NRG3: variants seen among roughly 807,000 people sequenced by gnomAD.
NRG3 encodes neuregulin 3.
Under a neutral mutation model 66.9 loss-of-function variants are expected in NRG3, and 31 were observed. That is an observed-to-expected ratio of 0.46 (90% CI 0.35 to 0.63). The LOEUF (loss-of-function observed/expected upper bound fraction) is 0.63, where lower values mean the gene tolerates loss of function less well. Ranked by LOEUF, NRG3 falls within the 20% of genes least tolerant of loss-of-function variation. NRG3 has a pLI of 0.00. For missense variants in NRG3, 910 were observed against 878.9 expected (o/e 1.04, Z -0.45); for synonymous variants, 393 against 359.4 (o/e 1.09, Z -1.06).
At chr10:82,424,160 G>A (rs991252600) in intron 2 of NRG3, among the ~76,000 whole-genome samples, 5 of 152,042 alleles carry the variant, frequency 3.3e-5, no homozygotes, top group South Asian at 4.1e-4. Context: ...TGTACCCTAG[G>A]GATGGAATTG....
chr10:82,557,802 A>G lies in NRG3; in HGVS notation c.954-180775A>G, dbSNP rs939570095. Among the ~76,000 whole-genome samples, 5 of 152,272 alleles carry G rather than the reference A, an allele frequency of 3.3e-5. No homozygotes were observed. In the South Asian group the frequency reaches 8.3e-4, roughly 25 times the overall value. On this transcript the variant is annotated intron_variant, in intron 2 of 8. Transcript: ENST00000372141. ...TTTATTTAATCCTCACAAATACCACATTTTACAGATGAGGACACGTAGACT... is the reference window on the plus strand; with the variant it reads ...TTTATTTAATCCTCACAAATACCACGTTTTACAGATGAGGACACGTAGACT...
In NRG3 at chr10:82,436,917, A is replaced by C. The variant is rs144063942; in HGVS notation, c.953+78049A>C. Among the ~76,000 whole-genome samples, 798 of 152,222 alleles carry C rather than the reference A, an allele frequency of 5.2e-3. 7 individuals carry two copies. The highest frequency in any genetic ancestry group is 0.019 in the African/African-American group (776 of 41,532). On this transcript the variant is annotated intron_variant, in intron 2 of 8. Transcript: ENST00000372141. ...TGCTGAGAGGTTCACTGTTAGTCTGATGGGCTTCCCTTTGTAGATGATCTG... is the reference window on the plus strand; with the variant it reads ...TGCTGAGAGGTTCACTGTTAGTCTGCTGGGCTTCCCTTTGTAGATGATCTG...
rs940039866 is a variant in NRG3, at chr10:82,785,086, C to T, written c.1027+46436C>T. Among the ~76,000 whole-genome samples, 14 of 151,768 alleles carry T rather than the reference C, an allele frequency of 9.2e-5. 1 individual carries two copies. Among genetic ancestry groups the T allele is most frequent in the African/African-American group, 3.4e-4 (14 of 41,288 alleles). On this transcript the variant is annotated intron_variant, in intron 3 of 8. Coordinates refer to ENST00000372141, the MANE Select transcript of NRG3 (RefSeq NM_001010848.4). ...GGATGAAATTGGAAATCATCATTCT[C>T]GGTAAACTATCGCAAGGACAAAAAA... is the stretch of plus-strand genomic sequence containing the variant.
chr10:82,348,419 G>A lies in NRG3; in HGVS notation c.824-10320G>A, dbSNP rs1342655149. On this transcript the variant is annotated intron_variant, in intron 1 of 8. Coordinates refer to ENST00000372141, the MANE Select transcript of NRG3 (RefSeq NM_001010848.4). ...CCCCCACTCTCTTCTGGCTTGTAGG[G>A]TTTCTGCTGAGAGATCCGCTGTTAG... 6.1e-5 allele frequency among the ~76,000 whole-genome samples: 9 copies of A among 147,070 alleles called. No homozygotes were observed. In the South Asian group the frequency reaches 1.3e-3, roughly 21 times the overall value.
At chr10:82,083,414 A>G (rs979276363) in intron 1 of NRG3, among the ~76,000 whole-genome samples, 3 of 152,144 alleles carry the variant, frequency 2.0e-5, no homozygotes, top group African/African-American at 4.8e-5. Context: ...ATGAGCTTAC[A>G]GCATTCCTTG....
intron 2 of NRG3, among the ~76,000 whole-genome samples, chr10:82,366,602 A>G (rs573105039): frequency 3.9e-5 from 6 of 152,210 alleles, no homozygotes; most frequent in South Asian, 2.1e-4. Flanking sequence ...ACGGGCCATA[A>G]TTGTGTCAAT....
intron 2 of NRG3, among the ~76,000 whole-genome samples, chr10:82,588,870 C>T (rs1447055194): frequency 6.6e-6 from 1 of 152,168 alleles, no homozygotes; most frequent in African/African-American, 2.4e-5. Context: ...TGGCCTAATA[C>T]ATCAAATTTC....
chr10:82,155,397 A>G (rs1188555004), intron 1 of NRG3, among the ~76,000 whole-genome samples: 1 of 151,742 alleles, frequency 6.6e-6, no homozygotes, highest in Admixed American at 6.6e-5. Context: ...GCTGTTAGAG[A>G]AGGTGGTTAT....
intron 4 of NRG3, among the ~76,000 whole-genome samples, chr10:82,948,762 A>T (rs1167020284): frequency 6.6e-6 from 1 of 152,114 alleles, no homozygotes; most frequent in African/African-American, 2.4e-5. Flanking sequence ...ATAACCTTGT[A>T]TCCTGAAATT....
At chr10:82,074,480 A>AT (rs1457830091) in intron 1 of NRG3, among the ~76,000 whole-genome samples, 14 of 152,182 alleles carry the variant, frequency 9.2e-5, no homozygotes, top group Non-Finnish European at 1.9e-4. Context: ...TTTTGAAAAA[A>AT]TAGACTATAA....
chr10:82,682,617 C>G (rs2494026), intron 2 of NRG3, among the ~76,000 whole-genome samples: 108 of 152,044 alleles, frequency 7.1e-4, no homozygotes, highest in Non-Finnish European at 1.4e-3. Flanking sequence ...ATAGTTGATT[C>G]ATTATTTTTA....
chr10:82,725,883 T>C (rs914909785), intron 2 of NRG3, among the ~76,000 whole-genome samples: 1 of 152,180 alleles, frequency 6.6e-6, no homozygotes, highest in Admixed American at 6.5e-5. Context: ...TCCTGTGAAC[T>C]GAATTGTACT....
At chr10:82,748,435 A>G (rs2058730031) in intron 3 of NRG3, among the ~76,000 whole-genome samples, 3 of 151,502 alleles carry the variant, frequency 2.0e-5, no homozygotes, top group Non-Finnish European at 4.4e-5. Context: ...GCAAAACTAT[A>G]CACTCACCCA....
At chr10:82,631,588 G>GT (rs59620029) in intron 2 of NRG3, among the ~76,000 whole-genome samples, 16,651 of 132,252 alleles carry the variant, frequency 0.13, 1,035 homozygotes, top group East Asian at 0.24. Context: ...TTCAGCCGTG[G>GT]TTTTTTTTTT....
At chr10:82,211,862 A>G (rs1242777251) in intron 1 of NRG3, among the ~76,000 whole-genome samples, 5 of 152,110 alleles carry the variant, frequency 3.3e-5, no homozygotes, top group Admixed American at 6.6e-5. Context: ...AGGGACCATA[A>G]CACACCCCTA....
At chr10:82,288,986 G>C (rs951203) in intron 1 of NRG3, among the ~76,000 whole-genome samples, 42,747 of 151,982 alleles carry the variant, frequency 0.28, 6,184 homozygotes, top group African/African-American at 0.32. Flanking sequence ...ACAATGATTT[G>C]TAAGCACCTG....
intron 1 of NRG3, among the ~76,000 whole-genome samples, chr10:82,020,221 A>G (rs2132737207): frequency 6.6e-6 from 1 of 152,304 alleles, no homozygotes; most frequent in East Asian, 1.9e-4. Flanking sequence ...AACAGAGCCA[A>G]AGATGTGGCT....
chr10:82,906,669 C>T (rs1844763307), intron 4 of NRG3, among the ~76,000 whole-genome samples: 1 of 152,122 alleles, frequency 6.6e-6, no homozygotes, highest in African/African-American at 2.4e-5. Context: ...ACTTAGGTAA[C>T]ATGACTAACA....
intron 1 of NRG3, among the ~76,000 whole-genome samples, chr10:82,133,327 A>G (rs1363641253): frequency 6.6e-6 from 1 of 152,144 alleles, no homozygotes; most frequent in African/African-American, 2.4e-5. Flanking sequence ...CTCATGACAC[A>G]GGGGTTGTTT....
Sources: allele counts gnomAD v4.1 joint callset (sites outside exome capture counted in the v4.1 genomes callset), GRCh38; gene constraint gnomAD v4.1.1; transcripts MANE v1.5; gene names NCBI Gene and HGNC (gene_info 2026-07-23, HGNC 2026-07-21).